The following FER variants were observed in gnomAD, a reference collection of about 807,000 sequenced individuals.
FER encodes the protein FER tyrosine kinase.
A neutral mutation model predicts 111.0 loss-of-function variants in FER; 63 were observed. The ratio of observed to expected loss-of-function variants is 0.57; its 90% CI spans 0.46 to 0.70. The LOEUF (loss-of-function observed/expected upper bound fraction) is 0.70. Among genes scored for constraint, FER ranks in the 30% least tolerant of loss-of-function variants. FER has a pLI of 0.00. For missense variants in FER, 914 were observed against 954.0 expected (o/e 0.96, Z 0.55); for synonymous variants, 327 against 313.9 (o/e 1.04, Z -0.44).
intron 9 of FER, among the ~76,000 whole-genome samples, chr5:108,889,380 T>G (rs1747673587): frequency 6.6e-6 from 1 of 151,618 alleles, no homozygotes; most frequent in Non-Finnish European, 1.5e-5. Flanking sequence ...AAAAAAAGAA[T>G]GAGATCCTGT....
intron 13 of FER, among the ~76,000 whole-genome samples, chr5:109,032,414 G>GC (rs1769764836): frequency 6.6e-6 from 1 of 152,012 alleles, no homozygotes; most frequent in Non-Finnish European, 1.5e-5. Flanking sequence ...CTTATTGGTT[G>GC]CCCCCAGTTT....
Position 108,867,929 on chromosome 5 carries a change from A to T in FER, c.644A>T (p.Gln215Leu). ...CTTCTGGACTCCTTACAAAAGATGC[A>T]AGAAGAAATGATAAAAGCACTGTAA... ...PLLLDSLQKM[Q>L]EEMIKALKGI... The change falls in exon 6 of 20, where the codon CAA becomes CTA. Residue 215 changes from glutamine to leucine, a missense_variant. Around this residue, in one of 3 missense-constraint regions of FER, gnomAD observed 774 missense variants for 782.6 expected, o/e 0.99. Transcript: ENST00000281092. The T allele has an allele frequency of 1.2e-6, 2 of 1,607,442 alleles. No homozygotes were observed. The highest frequency in any genetic ancestry group is 1.7e-6 in the Non-Finnish European group (2 of 1,178,050).
At chr5:108,974,649 T>C (rs1761100075) in intron 13 of FER, among the ~76,000 whole-genome samples, 1 of 152,182 alleles carries the variant, frequency 6.6e-6, no homozygotes, top group Admixed American at 6.5e-5. Flanking sequence ...GATGGGGAGA[T>C]AGTTCTGGAT....
At chr5:109,165,973 G>A (rs1226720017) in intron 17 of FER, among the ~76,000 whole-genome samples, 2 of 152,092 alleles carry the variant, frequency 1.3e-5, no homozygotes, top group Non-Finnish European at 1.5e-5. Context: ...GGGGAAAGGG[G>A]TTGTCAGCTG....
At chr5:108,763,989 G>A (rs1752036778) in intron 1 of FER, among the ~76,000 whole-genome samples, 1 of 152,050 alleles carries the variant, frequency 6.6e-6, no homozygotes, top group Non-Finnish European at 1.5e-5. Flanking sequence ...AAAAATGTTG[G>A]GATTCAGTAT....
chr5:108,858,949 G>A lies in FER; in HGVS notation c.482-8818G>A, dbSNP rs144462039. ...ATAAATAACCTTATGTATGTGTTTTGTATGTGTGTGTGTTTGTGTGTGTGA... is the reference window on the plus strand; with the variant it reads ...ATAAATAACCTTATGTATGTGTTTTATATGTGTGTGTGTTTGTGTGTGTGA... On this transcript the variant is annotated intron_variant, in intron 5 of 19. Coordinates refer to ENST00000281092, the MANE Select transcript of FER (RefSeq NM_005246.4). Among the ~76,000 whole-genome samples the A allele has an allele frequency of 1.2e-4, 18 of 151,860 alleles. No individual in the cohort carries two copies. The East Asian group carries it at 2.7e-3, about 23-fold the overall frequency.
chr5:108,775,746 T>C (rs1753419409), intron 2 of FER, among the ~76,000 whole-genome samples: 1 of 152,228 alleles, frequency 6.6e-6, no homozygotes, highest in Admixed American at 6.5e-5. Flanking sequence ...AGGAGGAGTT[T>C]TAAATATTAT....
chr5:108,866,157 T>G (rs537906103), intron 5 of FER, among the ~76,000 whole-genome samples: 8 of 152,304 alleles, frequency 5.3e-5, no homozygotes, highest in African/African-American at 1.7e-4. Context: ...TGCGGTACTA[T>G]TCACAATAGC....
chr5:108,841,273 A>G (rs1364006699), intron 5 of FER, among the ~76,000 whole-genome samples: 1 of 152,150 alleles, frequency 6.6e-6, no homozygotes, highest in Non-Finnish European at 1.5e-5. Flanking sequence ...GCATAAAATA[A>G]CAGGTACTTA....
At chr5:108,970,959 G>A (rs535741000) in intron 13 of FER, among the ~76,000 whole-genome samples, 49 of 152,224 alleles carry the variant, frequency 3.2e-4, no homozygotes, top group African/African-American at 9.9e-4. Flanking sequence ...TGTGATATAA[G>A]CACATCTTAA....
intron 5 of FER, among the ~76,000 whole-genome samples, chr5:108,864,723 G>C (rs1294273753): frequency 1.3e-5 from 2 of 152,132 alleles, no homozygotes; most frequent in Non-Finnish European, 2.9e-5. Context: ...CTATATCTCT[G>C]TTTTGGTACC....
chr5:108,879,495 T>C (rs1401354933), intron 8 of FER, among the ~76,000 whole-genome samples: 1 of 151,830 alleles, frequency 6.6e-6, no homozygotes, highest in African/African-American at 2.4e-5. Flanking sequence ...ATACGAAACA[T>C]GTAATAACAT....
At chr5:108,896,188 A>G (rs1749068555) in intron 9 of FER, among the ~76,000 whole-genome samples, 1 of 151,430 alleles carries the variant, frequency 6.6e-6, no homozygotes, top group South Asian at 2.1e-4. Context: ...TAGCTAGGAG[A>G]TGCAAAGAGG....
chr5:108,766,524 A>C (rs1752341940), intron 1 of FER, among the ~76,000 whole-genome samples: 1 of 152,204 alleles, frequency 6.6e-6, no homozygotes, highest in South Asian at 2.1e-4. Context: ...ATTTCCAACC[A>C]ATTCTAGCTT....
At chr5:108,993,090 G>A (rs1763469188) in intron 13 of FER, among the ~76,000 whole-genome samples, 1 of 151,210 alleles carries the variant, frequency 6.6e-6, no homozygotes. Flanking sequence ...TCACCTCCCA[G>A]ACGATGGGCG....
chr5:108,993,660 A>G (rs1763620512), intron 13 of FER, among the ~76,000 whole-genome samples: 1 of 120,238 alleles, frequency 8.3e-6, no homozygotes, highest in African/African-American at 2.8e-5. Context: ...GGCGAGGGCG[A>G]GGGTGAGGGA....
chr5:108,865,365 G>A, intron 5 of FER, among the ~76,000 whole-genome samples: 1 of 152,004 alleles, frequency 6.6e-6, no homozygotes, highest in Non-Finnish European at 1.5e-5. Context: ...CTGCCTGATT[G>A]CCCTGGCCAG....
intron 16 of FER, among the ~76,000 whole-genome samples, chr5:109,062,299 C>T (rs959988512): frequency 8.6e-5 from 13 of 151,946 alleles, no homozygotes; most frequent in Non-Finnish European, 7.4e-5. Flanking sequence ...AAGGTGGGGT[C>T]GATCACTCGA....
chr5:109,135,240 A>G (rs1044800970), intron 17 of FER, among the ~76,000 whole-genome samples: 3 of 152,216 alleles, frequency 2.0e-5, no homozygotes, highest in Non-Finnish European at 2.9e-5. Context: ...ACACAGTTTT[A>G]GGCACCTTAT....
Sources: allele counts gnomAD v4.1 joint callset (sites outside exome capture counted in the v4.1 genomes callset), GRCh38; gene constraint gnomAD v4.1.1; regional missense constraint gnomAD v4.1.1; transcripts MANE v1.5; gene names NCBI Gene and HGNC (gene_info 2026-07-23, HGNC 2026-07-21).